The following TAFA1 variants were observed in gnomAD, a reference collection of about 807,000 sequenced individuals.
TAFA1 encodes chemokine-like protein TAFA-1.
A neutral mutation model predicts 18.5 loss-of-function variants in TAFA1; 4 were observed. The ratio of observed to expected loss-of-function variants is 0.22; its 90% CI spans 0.11 to 0.49. The LOEUF (loss-of-function observed/expected upper bound fraction) is 0.49, where lower values mean the gene tolerates loss of function less well. Among genes scored for constraint, TAFA1 ranks in the 20% least tolerant of loss-of-function variants. The probability of loss-of-function intolerance (pLI) is 0.98; values close to 1 mark genes in which losing one functional copy is unlikely to be tolerated. For synonymous variants in TAFA1, 56 were observed against 55.2 expected (o/e 1.01, Z -0.06); for missense variants, 147 against 169.0 (o/e 0.87, Z 0.72).
At chr3:68,462,615 A>G (rs1190788275) in intron 3 of TAFA1, among the ~76,000 whole-genome samples, 1 of 152,198 alleles carries the variant, frequency 6.6e-6, no homozygotes, top group African/African-American at 2.4e-5. Context: ...ATAGAAAATA[A>G]GATATTCTAG....
In TAFA1 at chr3:68,487,811, G is replaced by GAA. The variant is rs10654793; in HGVS notation, c.260-50934_260-50933dup. 4.4e-4 allele frequency among the ~76,000 whole-genome samples: 58 copies of GAA among 133,306 alleles called. 1 individual carries two copies. The highest frequency in any genetic ancestry group is 1.0e-3 in the Admixed American group (13 of 12,948). 87.5% of individuals were successfully genotyped at this position (133,306 alleles called of 152,430 possible). On this transcript the variant is annotated intron_variant, in intron 3 of 4. Coordinates refer to ENST00000478136, the MANE Select transcript of TAFA1 (RefSeq NM_213609.4). ...TGTTAAACTGTTCTCTGTACCAAAA[G>GAA]AAAAAAAAAAAAGGTGAAGTGATAA...
intron 3 of TAFA1, among the ~76,000 whole-genome samples, chr3:68,482,825 G>A (rs1009280630): frequency 5.9e-5 from 9 of 152,186 alleles, no homozygotes; most frequent in African/African-American, 2.2e-4. Flanking sequence ...ATCTGCCTGA[G>A]ATTTGAGCTA....
chr3:68,137,502 T>G (rs1447574515), intron 2 of TAFA1, among the ~76,000 whole-genome samples: 1 of 152,140 alleles, frequency 6.6e-6, no homozygotes, highest in Non-Finnish European at 1.5e-5. Context: ...TGATAGAAAG[T>G]TCTAGAAACT....
At chr3:68,040,075 G>T (rs1224154069) in intron 2 of TAFA1, among the ~76,000 whole-genome samples, 2 of 152,164 alleles carry the variant, frequency 1.3e-5, no homozygotes, top group Non-Finnish European at 2.9e-5. Flanking sequence ...CCTTCTGATA[G>T]GATATGGACA....
chr3:68,136,795 G>A (rs1249312430), intron 2 of TAFA1, among the ~76,000 whole-genome samples: 4 of 152,026 alleles, frequency 2.6e-5, no homozygotes. Flanking sequence ...TTTGTGCATT[G>A]GATTCTCTCT....
intron 2 of TAFA1, among the ~76,000 whole-genome samples, chr3:68,234,609 A>T (rs1290639328): frequency 6.6e-6 from 1 of 152,094 alleles, no homozygotes; most frequent in African/African-American, 2.4e-5. Context: ...TTCCCAAGTG[A>T]CACTGCTCCA....
At chr3:68,503,127 G>A (rs1247947635) in intron 3 of TAFA1, among the ~76,000 whole-genome samples, 1 of 152,156 alleles carries the variant, frequency 6.6e-6, no homozygotes, top group Non-Finnish European at 1.5e-5. Context: ...TTGATCTCAT[G>A]TGACAAGTCA....
intron 3 of TAFA1, among the ~76,000 whole-genome samples, chr3:68,482,258 C>T (rs1196087376): frequency 2.6e-5 from 4 of 152,160 alleles, no homozygotes; most frequent in African/African-American, 7.2e-5. Flanking sequence ...CCGCCCGCCT[C>T]GGCCTCCCAA....
At chr3:68,457,531 T>G (rs1458008171) in intron 3 of TAFA1, among the ~76,000 whole-genome samples, 2 of 152,184 alleles carry the variant, frequency 1.3e-5, no homozygotes, top group Non-Finnish European at 2.9e-5. Flanking sequence ...CAAATTCATG[T>G]TGCTCAAGGG....
At chr3:68,081,590 C>T (rs2106775906) in intron 2 of TAFA1, among the ~76,000 whole-genome samples, 1 of 152,306 alleles carries the variant, frequency 6.6e-6, no homozygotes, top group Middle Eastern at 3.4e-3. Flanking sequence ...TGTCAATGTG[C>T]CCCTGCTGAG....
At chr3:68,508,808 TTAAA>T (rs1199384450) in intron 3 of TAFA1, among the ~76,000 whole-genome samples, 1 of 151,874 alleles carries the variant, frequency 6.6e-6, no homozygotes, top group African/African-American at 2.4e-5. Flanking sequence ...AGTAACAACA[TTAAA>T]TAAAGTGGTA....
intron 2 of TAFA1, among the ~76,000 whole-genome samples, chr3:68,118,237 T>G (rs2065346556): frequency 6.6e-6 from 1 of 152,154 alleles, no homozygotes; most frequent in Non-Finnish European, 1.5e-5. Flanking sequence ...GGACAGATCA[T>G]CAGGCATTCG....
intron 2 of TAFA1, among the ~76,000 whole-genome samples, chr3:68,024,850 G>A (rs554799548): frequency 8.8e-6 from 1 of 114,272 alleles, no homozygotes; most frequent in East Asian, 2.5e-4. Context: ...CATTGTTAAG[G>A]TATTTAACAA....
chr3:68,294,193 A>T (rs1201078005), intron 2 of TAFA1, among the ~76,000 whole-genome samples: 1 of 152,228 alleles, frequency 6.6e-6, no homozygotes, highest in African/African-American at 2.4e-5. Flanking sequence ...TGGTCAAGGA[A>T]TCGAAAGGAC....
chr3:68,303,400 C>A (rs991791250), intron 2 of TAFA1, among the ~76,000 whole-genome samples: 1 of 152,090 alleles, frequency 6.6e-6, no homozygotes, highest in African/African-American at 2.4e-5. Context: ...AAAGAGGAAA[C>A]AAAACAATGA....
Position 68,370,780 on chromosome 3 carries a change from G to T in TAFA1, c.119-46500G>T, listed in dbSNP as rs374334080. 8.0e-3 allele frequency among the ~76,000 whole-genome samples: 973 copies of T among 122,082 alleles called. 14 individuals are homozygous for T. The highest frequency in any genetic ancestry group is 0.028 in the African/African-American group (913 of 32,430). 80.1% of individuals were successfully genotyped at this position (122,082 alleles called of 152,430 possible). A position where few individuals can be genotyped will look rare whatever the true frequency, so the allele number is the denominator to read the frequency against. On this transcript the variant is annotated intron_variant, in intron 2 of 4. Coordinates refer to ENST00000478136, the MANE Select transcript of TAFA1 (RefSeq NM_213609.4). ...TTAAACCTCCTCGGGTGTTTTCGTTGTTTTTTTTTTTTTTTTTTAATTGTC... is the reference window on the plus strand; with the variant it reads ...TTAAACCTCCTCGGGTGTTTTCGTTTTTTTTTTTTTTTTTTTTTAATTGTC...
intron 2 of TAFA1, among the ~76,000 whole-genome samples, chr3:68,261,702 T>G (rs1314197302): frequency 6.6e-6 from 1 of 151,824 alleles, no homozygotes; most frequent in Non-Finnish European, 1.5e-5. Context: ...TGCTCATAGG[T>G]GGGAATTGAA....
intron 2 of TAFA1, among the ~76,000 whole-genome samples, chr3:68,063,405 A>G (rs1185380192): frequency 6.6e-6 from 1 of 152,250 alleles, no homozygotes; most frequent in African/African-American, 2.4e-5. Flanking sequence ...GGCATGCACC[A>G]TAATTATACA....
At chr3:68,219,809 A>G (rs913251327) in intron 2 of TAFA1, among the ~76,000 whole-genome samples, 1 of 151,912 alleles carries the variant, frequency 6.6e-6, no homozygotes, top group Admixed American at 6.6e-5. Flanking sequence ...TACAGGGTGT[A>G]TACACCCAAG....
Sources: allele counts gnomAD v4.1 joint callset (sites outside exome capture counted in the v4.1 genomes callset), GRCh38; gene constraint gnomAD v4.1.1; transcripts MANE v1.5; gene names NCBI Gene and HGNC (gene_info 2026-07-23, HGNC 2026-07-21).